Variants in KCNJ6 observed in about 807,000 individuals in gnomAD.
KCNJ6 encodes potassium inwardly rectifying channel subfamily J member 6.
In KCNJ6, 9 loss-of-function variants were observed where a neutral mutation model predicts 34.2. The ratio of observed to expected loss-of-function variants is 0.26; its 90% CI spans 0.16 to 0.46. KCNJ6 has a LOEUF of 0.46. Among genes scored for constraint, KCNJ6 ranks in the 20% least tolerant of loss-of-function variants. The pLI is 1.00. For synonymous variants in KCNJ6, 196 were observed against 207.1 expected (o/e 0.95, Z 0.46); for missense variants, 236 against 531.3 (o/e 0.44, Z 5.46).
At chr21:37,908,033 G>A (rs1036334828) in intron 1 of KCNJ6, among the ~76,000 whole-genome samples, 3 of 152,182 alleles carry the variant, frequency 2.0e-5, no homozygotes, top group Non-Finnish European at 4.4e-5. Context: ...TTCTAATCCA[G>A]TATTACTGCC....
intron 3 of KCNJ6, among the ~76,000 whole-genome samples, chr21:37,699,488 C>T (rs1241497054): frequency 6.6e-6 from 1 of 152,170 alleles, no homozygotes; most frequent in Admixed American, 6.5e-5. Flanking sequence ...TCACCCTTCC[C>T]ATGTTTTGCT....
chr21:37,862,933 G>C (rs1330959326), intron 1 of KCNJ6, among the ~76,000 whole-genome samples: 1 of 152,176 alleles, frequency 6.6e-6, no homozygotes, highest in Admixed American at 6.5e-5. Flanking sequence ...TCAAAAGGTA[G>C]GACAGAGACT....
At chr21:37,699,520 C>G (rs527410289) in intron 3 of KCNJ6, among the ~76,000 whole-genome samples, 7 of 152,304 alleles carry the variant, frequency 4.6e-5, no homozygotes, top group African/African-American at 1.7e-4. Context: ...CAGCTTGTTC[C>G]TCTGGCAGAG....
rs1157028693 is a variant in KCNJ6, at chr21:37,825,955, G to A, written c.25+14703C>T. ...CTCTGGGTCCCTCCCATGATGCGTG[G>A]GAATTTTGGGAGCTACAATTCAAGA... On this transcript the variant is annotated intron_variant, in intron 2 of 3. Coordinates refer to ENST00000609713, the MANE Select transcript of KCNJ6 (RefSeq NM_002240.5). Among the ~76,000 whole-genome samples, 3 of 152,118 alleles carry A rather than the reference G, an allele frequency of 2.0e-5. No homozygotes were observed. In the South Asian group the frequency reaches 6.2e-4, roughly 32 times the overall value.
intron 3 of KCNJ6, among the ~76,000 whole-genome samples, chr21:37,652,412 A>G (rs2054437879): frequency 6.6e-6 from 1 of 152,212 alleles, no homozygotes; most frequent in African/African-American, 2.4e-5. Context: ...AAGTATCAAC[A>G]ACTCTTTTGA....
intron 2 of KCNJ6, among the ~76,000 whole-genome samples, chr21:37,790,491 C>G (rs1601472574): frequency 6.6e-6 from 1 of 152,064 alleles, no homozygotes; most frequent in East Asian, 1.9e-4. Context: ...TTCCAGGCAC[C>G]ATTATTATCC....
chr21:37,914,047 G>GTGTGTGTA (rs892083560), intron 1 of KCNJ6, among the ~76,000 whole-genome samples: 1 of 150,308 alleles, frequency 6.7e-6, no homozygotes. Context: ...GTGTGTGTGT[G>GTGTGTGTA]TGTCTGTGCG....
chr21:37,886,623 G>T (rs536411993), intron 1 of KCNJ6, among the ~76,000 whole-genome samples: 1 of 152,130 alleles, frequency 6.6e-6, no homozygotes, highest in Non-Finnish European at 1.5e-5. Flanking sequence ...TATAACCTAC[G>T]ATTAAGTCTC....
chr21:37,696,341 T>C (rs1601423709), intron 3 of KCNJ6, among the ~76,000 whole-genome samples: 2 of 152,262 alleles, frequency 1.3e-5, no homozygotes, highest in Non-Finnish European at 2.9e-5. Context: ...TCATTCAAAT[T>C]AGGAAAAGCT....
intron 2 of KCNJ6, among the ~76,000 whole-genome samples, chr21:37,816,276 C>T (rs2055346445): frequency 6.6e-6 from 1 of 152,134 alleles, no homozygotes; most frequent in Admixed American, 6.6e-5. Flanking sequence ...TTTTGGAGGA[C>T]CGGTTTACAT....
At chr21:37,889,166 T>C (rs1211352256) in intron 1 of KCNJ6, among the ~76,000 whole-genome samples, 1 of 152,160 alleles carries the variant, frequency 6.6e-6, no homozygotes, top group East Asian at 1.9e-4. Context: ...ACTGGCAAGT[T>C]GTTCTGCTAC....
At chr21:37,665,293 G>T (rs2123402141) in intron 3 of KCNJ6, among the ~76,000 whole-genome samples, 1 of 152,288 alleles carries the variant, frequency 6.6e-6, no homozygotes, top group Non-Finnish European at 1.5e-5. Context: ...ATTATTGATG[G>T]TTCCCAAGAG....
chr21:37,694,846 A>G (rs2054657118), intron 3 of KCNJ6, among the ~76,000 whole-genome samples: 1 of 152,168 alleles, frequency 6.6e-6, no homozygotes, highest in Non-Finnish European at 1.5e-5. Flanking sequence ...CAGAAGAGAC[A>G]CAAAAGAGGG....
chr21:37,700,143 G>A (rs1021347033), intron 3 of KCNJ6, among the ~76,000 whole-genome samples: 1 of 150,996 alleles, frequency 6.6e-6, no homozygotes, highest in Non-Finnish European at 1.5e-5. Context: ...AGTGTAGTCT[G>A]TTGAGGACAC....
rs1335227877 is a variant in KCNJ6 at position 37,617,185 on chromosome 21, C to CTTCCTTCT, written c.*7973_*7974insAGAAGGAA. Reference sequence around the variant, plus strand: ...TTTATCTTTTTTCCTTCCTTCCTTCCTTCCTTCCTTCCTTCCTTCCTTCCT... The same window carrying CTTCCTTCT: ...TTTATCTTTTTTCCTTCCTTCCTTCCTTCCTTCTTTCCTTCCTTCCTTCCTTCCTTCCT... On this transcript the variant is annotated 3_prime_UTR_variant, in exon 4 of 4. Coordinates refer to ENST00000609713, the MANE Select transcript of KCNJ6 (RefSeq NM_002240.5). The CTTCCTTCT allele has an allele frequency of 1.5e-5, 2 of 129,854 alleles. No homozygotes were observed. Among genetic ancestry groups the CTTCCTTCT allele is most frequent in the East Asian group, 2.4e-4 (1 of 4,094 alleles). The allele number at this position is 129,854 out of a possible 1,614,324, so 8.0% of individuals were successfully genotyped here.
chr21:37,840,978 G>A (rs1449908038), intron 1 of KCNJ6, among the ~76,000 whole-genome samples: 2 of 152,098 alleles, frequency 1.3e-5, no homozygotes, highest in Admixed American at 6.5e-5. Flanking sequence ...GGTGACGCAC[G>A]ACCAGTTTTC....
chr21:37,636,375 G>T (rs2054358192), intron 3 of KCNJ6, among the ~76,000 whole-genome samples: 1 of 152,220 alleles, frequency 6.6e-6, no homozygotes, highest in African/African-American at 2.4e-5. Flanking sequence ...AGTGTTGTCT[G>T]AACTAAGTTA....
At chr21:37,640,197 C>A (rs2054374915) in intron 3 of KCNJ6, among the ~76,000 whole-genome samples, 2 of 152,184 alleles carry the variant, frequency 1.3e-5, no homozygotes, top group Admixed American at 1.3e-4. Flanking sequence ...AATTTGAAAT[C>A]ACTTAATGCA....
chr21:37,689,493 A>G (rs529094443), intron 3 of KCNJ6, among the ~76,000 whole-genome samples: 1 of 152,172 alleles, frequency 6.6e-6, no homozygotes, highest in African/African-American at 2.4e-5. Context: ...CTCCCAATAG[A>G]GGAGAGTTAC....
Sources: gnomAD v4.1 joint callset for allele counts (sites outside exome capture counted in the v4.1 genomes callset) on GRCh38, gnomAD v4.1.1 for gene constraint, MANE v1.5 for transcripts, NCBI Gene and HGNC (gene_info 2026-07-23, HGNC 2026-07-21) for gene names.